Variants in NELL1 observed in about 807,000 individuals in gnomAD.
NELL1 encodes the protein protein kinase C-binding protein NELL1.
In NELL1, 76 loss-of-function variants were observed where a neutral mutation model predicts 107.4. The ratio of observed to expected loss-of-function variants is 0.71; its 90% CI spans 0.59 to 0.86. The LOEUF is 0.86. Among genes scored for constraint, NELL1 ranks in the 40% least tolerant of loss-of-function variants. The probability of loss-of-function intolerance (pLI) is 0.00; values close to 1 mark genes in which losing one functional copy is unlikely to be tolerated. For missense variants in NELL1, 1,024 were observed against 1,005.5 expected (o/e 1.02, Z -0.25); for synonymous variants, 353 against 341.2 (o/e 1.03, Z -0.38).
At chr11:21,067,849 A>G (rs1451422208) in intron 12 of NELL1, among the ~76,000 whole-genome samples, 2 of 151,896 alleles carry the variant, frequency 1.3e-5, no homozygotes, top group South Asian at 2.1e-4. Context: ...CCTAGCCAAC[A>G]TGGTGAAACC....
intron 14 of NELL1, among the ~76,000 whole-genome samples, chr11:21,322,331 G>C (rs1850029878): frequency 1.3e-5 from 2 of 152,050 alleles, no homozygotes; most frequent in African/African-American, 4.8e-5. Context: ...GGCATCTATG[G>C]TTCCTTCTAA....
chr11:21,279,618 T>A (rs1848946341), intron 14 of NELL1, among the ~76,000 whole-genome samples: 1 of 152,174 alleles, frequency 6.6e-6, no homozygotes, highest in African/African-American at 2.4e-5. Context: ...CTCAAAAGGT[T>A]ATGAAGCACC....
At chr11:21,064,190 C>T (rs1158987546) in intron 12 of NELL1, among the ~76,000 whole-genome samples, 1 of 152,048 alleles carries the variant, frequency 6.6e-6, no homozygotes, top group Non-Finnish European at 1.5e-5. Context: ...CAGCAAGGGG[C>T]CAGATGGTGT....
At chr11:20,917,260 T>C (rs994738354) in intron 5 of NELL1, among the ~76,000 whole-genome samples, 4 of 151,978 alleles carry the variant, frequency 2.6e-5, no homozygotes, top group Non-Finnish European at 4.4e-5. Flanking sequence ...AATAAACATA[T>C]AATTCTGTGG....
intron 3 of NELL1, among the ~76,000 whole-genome samples, chr11:20,835,729 C>A (rs1389492258): frequency 6.6e-6 from 1 of 152,062 alleles, no homozygotes; most frequent in African/African-American, 2.4e-5. Context: ...CATTCGTATT[C>A]AAAAGAATTA....
rs1565183928 is a variant in NELL1, at chr11:21,354,842, AT to A, written c.1550-16008del. On this transcript the variant is annotated intron_variant, in intron 14 of 19. Transcript: ENST00000357134. ...CTTTTACCTGGGAGAGTTTGCTGGA[AT>A]TTATCTCTTTAAAAGTCTCTAGACT... 3.3e-5 allele frequency among the ~76,000 whole-genome samples: 5 copies of A among 152,282 alleles called. No individual in the cohort carries two copies. The South Asian group carries it at 1.0e-3, about 32-fold the overall frequency.
intron 12 of NELL1, among the ~76,000 whole-genome samples, chr11:21,069,700 A>T (rs1022717913): frequency 6.6e-6 from 1 of 152,198 alleles, no homozygotes; most frequent in Non-Finnish European, 1.5e-5. Context: ...TATTTGTAGA[A>T]TTTTAGTATC....
At chr11:20,687,611 C>T (rs61880541) in intron 2 of NELL1, among the ~76,000 whole-genome samples, 8 of 149,476 alleles carry the variant, frequency 5.4e-5, no homozygotes, top group South Asian at 4.2e-4. Context: ...TTTTTTTTTC[C>T]GTGACAGTTT....
chr11:21,394,996 A>T (rs1169147455), intron 15 of NELL1, among the ~76,000 whole-genome samples: 2 of 151,462 alleles, frequency 1.3e-5, no homozygotes, highest in African/African-American at 4.8e-5. Context: ...ATTGATGAGG[A>T]TATCTTGGAG....
At chr11:21,495,424 T>G (rs1343581736) in intron 15 of NELL1, among the ~76,000 whole-genome samples, 1 of 152,160 alleles carries the variant, frequency 6.6e-6, no homozygotes, top group African/African-American at 2.4e-5. Flanking sequence ...ACATTAGGGT[T>G]GTTTCTACTT....
In NELL1 at chr11:21,016,475, T is replaced by C. The variant is rs1211805881; in HGVS notation, c.1300+55915T>C. ...ACCACCTTTCTAGTCTCTTTCTCCA[T>C]TCTTACCCACACGTACCCTTTGTTC... On this transcript the variant is annotated intron_variant, in intron 12 of 19. Coordinates refer to ENST00000357134, the MANE Select transcript of NELL1 (RefSeq NM_006157.5). Among the ~76,000 whole-genome samples the C allele has an allele frequency of 3.3e-5, 5 of 152,206 alleles. 1 individual carries two copies. In the South Asian group the frequency reaches 1.0e-3, roughly 31 times the overall value.
At chr11:21,122,672 T>A (rs1330714451) in intron 13 of NELL1, among the ~76,000 whole-genome samples, 1 of 152,190 alleles carries the variant, frequency 6.6e-6, no homozygotes, top group Non-Finnish European at 1.5e-5. Flanking sequence ...ATGTCACTTA[T>A]TTACTCTGTG....
chr11:20,985,455 A>T (rs955936002), intron 12 of NELL1, among the ~76,000 whole-genome samples: 3 of 152,148 alleles, frequency 2.0e-5, no homozygotes, highest in Non-Finnish European at 4.4e-5. Context: ...ACAGTTATGG[A>T]AAATCTATGA....
At chr11:21,152,137 G>T (rs1284002982) in intron 13 of NELL1, among the ~76,000 whole-genome samples, 1 of 152,202 alleles carries the variant, frequency 6.6e-6, no homozygotes, top group Non-Finnish European at 1.5e-5. Context: ...CCATGTCACA[G>T]TTCGGTATGT....
intron 3 of NELL1, among the ~76,000 whole-genome samples, chr11:20,839,163 C>G (rs1207906208): frequency 6.6e-6 from 1 of 152,082 alleles, no homozygotes; most frequent in Non-Finnish European, 1.5e-5. Flanking sequence ...TAGAAGCCAG[C>G]CTTTACTTTG....
chr11:21,222,566 CT>C (rs1235564881), intron 13 of NELL1, among the ~76,000 whole-genome samples: 2 of 152,078 alleles, frequency 1.3e-5, no homozygotes, highest in African/African-American at 2.4e-5. Flanking sequence ...TTTCCTTCTA[CT>C]AATTTTGGGT....
intron 14 of NELL1, among the ~76,000 whole-genome samples, chr11:21,259,240 G>T (rs745595904): frequency 8.6e-5 from 13 of 151,832 alleles, no homozygotes; most frequent in Admixed American, 5.9e-4. Context: ...AATCTAGATG[G>T]AGAAACGTTT....
At chr11:20,745,736 A>C (rs940038076) in intron 2 of NELL1, among the ~76,000 whole-genome samples, 2 of 152,184 alleles carry the variant, frequency 1.3e-5, no homozygotes, top group Non-Finnish European at 2.9e-5. Context: ...CTTATGGTCT[A>C]CCACTGGGTG....
intron 13 of NELL1, among the ~76,000 whole-genome samples, chr11:21,128,886 C>G (rs1330129611): frequency 1.3e-5 from 2 of 152,170 alleles, no homozygotes; most frequent in East Asian, 3.9e-4. Context: ...AGCTTTGGAG[C>G]CAAACCCAGG....
Sources: gnomAD v4.1 joint callset for allele counts (sites outside exome capture counted in the v4.1 genomes callset) on GRCh38, gnomAD v4.1.1 for gene constraint, MANE v1.5 for transcripts, NCBI Gene and HGNC (gene_info 2026-07-23, HGNC 2026-07-21) for gene names.